The following CNTNAP4 variants were observed in gnomAD, a reference collection of about 807,000 sequenced individuals.
CNTNAP4 encodes contactin associated protein family member 4.
Under a neutral mutation model 148.4 loss-of-function variants are expected in CNTNAP4, and 98 were observed. That is an observed-to-expected ratio of 0.66 (90% CI 0.56 to 0.78). The LOEUF (loss-of-function observed/expected upper bound fraction) is 0.78. CNTNAP4 is among the 30% of genes least tolerant of loss of function. The pLI is 0.00. For missense variants in CNTNAP4, 1,935 were observed against 1,565.6 expected (o/e 1.24, Z -3.98); for synonymous variants, 730 against 565.1 (o/e 1.29, Z -4.14).
chr16:76,308,405 G>A (rs1960728081), intron 1 of CNTNAP4, among the ~76,000 whole-genome samples: 1 of 152,110 alleles, frequency 6.6e-6, no homozygotes, highest in Admixed American at 6.5e-5. Context: ...TCAATCCTAG[G>A]TGTATTGTCA....
At chr16:76,308,905 G>A (rs1960787190) in intron 1 of CNTNAP4, among the ~76,000 whole-genome samples, 1 of 151,958 alleles carries the variant, frequency 6.6e-6, no homozygotes, top group Non-Finnish European at 1.5e-5. Context: ...GCTCAGGGCA[G>A]CCTCGAACTC....
chr16:76,358,120 G>C (rs747741605), intron 3 of CNTNAP4, among the ~76,000 whole-genome samples: 5 of 152,146 alleles, frequency 3.3e-5, no homozygotes, highest in Non-Finnish European at 7.4e-5. Context: ...GATCACTTGA[G>C]GCCAGGAGTT....
chr16:76,455,746 C>T (rs2080703842), intron 8 of CNTNAP4, among the ~76,000 whole-genome samples: 1 of 152,164 alleles, frequency 6.6e-6, no homozygotes, highest in Non-Finnish European at 1.5e-5. Flanking sequence ...GAGGAATGGC[C>T]TAGGTATAAT....
intron 3 of CNTNAP4, among the ~76,000 whole-genome samples, chr16:76,414,648 G>A (rs1323525289): frequency 1.3e-5 from 2 of 151,226 alleles, no homozygotes; most frequent in Admixed American, 1.3e-4. Context: ...GAAAGACATC[G>A]AGGCCTGCAA....
chr16:76,296,679 A>G (rs963752529), intron 1 of CNTNAP4, among the ~76,000 whole-genome samples: 71 of 152,256 alleles, frequency 4.7e-4, no homozygotes, highest in African/African-American at 1.6e-3. Context: ...GAGAAATGGT[A>G]TAGCTAATCA....
intron 23 of CNTNAP4, among the ~76,000 whole-genome samples, chr16:76,555,463 A>G (rs968117488): frequency 6.6e-6 from 1 of 152,226 alleles, no homozygotes; most frequent in African/African-American, 2.4e-5. Flanking sequence ...AGTATTTACA[A>G]TGTGTCCAAG....
At position 76,442,380 on chromosome 16, in the gene CNTNAP4, T is replaced by C. The variant is rs1390905544; in HGVS notation, c.539-5632T>C. ...TTTGTGATATATTAAGAGACTATGT[T>C]TGTGGTTATTTGTTTTACAACAATA... is the stretch of plus-strand genomic sequence containing the variant. On this transcript the variant is annotated intron_variant, in intron 4 of 23. Coordinates refer to ENST00000611870, the MANE Select transcript of CNTNAP4 (RefSeq NM_033401.5). 2.0e-5 allele frequency among the ~76,000 whole-genome samples: 3 copies of C among 152,274 alleles called. No individual in the cohort carries two copies. In the East Asian group the frequency reaches 5.8e-4, roughly 29 times the overall value.
chr16:76,377,495 A>G (rs919779747), intron 3 of CNTNAP4, among the ~76,000 whole-genome samples: 1 of 152,166 alleles, frequency 6.6e-6, no homozygotes, highest in Non-Finnish European at 1.5e-5. Flanking sequence ...AGATGGTGCA[A>G]TGCTAGGAAA....
In CNTNAP4 at chr16:76,558,905, T is replaced by C. The variant is rs988179458; in HGVS notation, c.*222T>C. On this transcript the variant is annotated 3_prime_UTR_variant, in exon 24 of 24. Coordinates refer to ENST00000611870, the MANE Select transcript of CNTNAP4 (RefSeq NM_033401.5). ...ACAAGAAATTAGATATTGCTGTTAA[T>C]TTTCAACTGTTCTGGTATGATCTAA... The C allele has an allele frequency of 7.6e-6, 3 of 396,436 alleles. No homozygotes were observed. Among genetic ancestry groups the C allele is most frequent in the African/African-American group, 6.1e-5 (3 of 48,792 alleles). The allele number at this position is 396,436 out of a possible 1,614,324, so 24.6% of individuals were successfully genotyped here.
Position 76,535,557 on chromosome 16 carries a change from C to T in CNTNAP4, c.2768C>T (p.Thr923Ile). 6.2e-7 allele frequency: 1 copy of T among 1,612,076 alleles called. No homozygotes were observed. Among genetic ancestry groups the T allele is most frequent in the South Asian group, 1.1e-5 (1 of 90,990 alleles). The change falls in exon 18 of 24, where the codon ACC (threonine) becomes ATC (isoleucine). Residue 923 changes from threonine (T) to isoleucine (I), a missense_variant. Transcript: ENST00000611870. Reference sequence around the variant, plus strand: ...ATTTCCCTTTTAGGTGGAACGGCCACCAGACAGAGAGGCTTTCTGGGCTGC... The same window carrying T: ...ATTTCCCTTTTAGGTGGAACGGCCATCAGACAGAGAGGCTTTCTGGGCTGC... ...NSQLFVGGTA[T>I]RQRGFLGCIR...
chr16:76,501,923 G>C (rs2082663127), intron 15 of CNTNAP4, among the ~76,000 whole-genome samples: 2 of 152,030 alleles, frequency 1.3e-5, no homozygotes, highest in Non-Finnish European at 2.9e-5. Flanking sequence ...CAAAAAATTA[G>C]CCGGGCGTAG....
intron 3 of CNTNAP4, among the ~76,000 whole-genome samples, chr16:76,409,479 A>G (rs2078716091): frequency 6.6e-6 from 1 of 152,008 alleles, no homozygotes; most frequent in Non-Finnish European, 1.5e-5. Flanking sequence ...AACTGCGTTG[A>G]AATAGAAACA....
intron 1 of CNTNAP4, among the ~76,000 whole-genome samples, chr16:76,282,491 G>A (rs1229593454): frequency 6.6e-6 from 1 of 151,758 alleles, no homozygotes; most frequent in Non-Finnish European, 1.5e-5. Context: ...ATCTTAATCA[G>A]CAACTTACAT....
chr16:76,532,228 G>C (rs1363521886), intron 17 of CNTNAP4, among the ~76,000 whole-genome samples: 1 of 152,202 alleles, frequency 6.6e-6, no homozygotes, highest in Non-Finnish European at 1.5e-5. Context: ...AAACGGATAA[G>C]TCTTCTTTTA....
intron 13 of CNTNAP4, among the ~76,000 whole-genome samples, chr16:76,492,058 A>G (rs927304843): frequency 3.3e-5 from 5 of 152,198 alleles, no homozygotes; most frequent in African/African-American, 9.7e-5. Context: ...TATGGAATCT[A>G]AAAAAGTTTA....
At chr16:76,346,902 A>G (rs1964948471) in intron 2 of CNTNAP4, among the ~76,000 whole-genome samples, 1 of 152,190 alleles carries the variant, frequency 6.6e-6, no homozygotes, top group Non-Finnish European at 1.5e-5. Flanking sequence ...TGGCAATACA[A>G]GAAGTAAGAC....
At chr16:76,544,997 G>A (rs978577668) in intron 21 of CNTNAP4, among the ~76,000 whole-genome samples, 5 of 152,166 alleles carry the variant, frequency 3.3e-5, no homozygotes, top group African/African-American at 1.2e-4. Context: ...GTGCTCAGAG[G>A]TGAGACAAAA....
At chr16:76,335,592 G>C (rs1430021079) in intron 2 of CNTNAP4, among the ~76,000 whole-genome samples, 2 of 152,188 alleles carry the variant, frequency 1.3e-5, no homozygotes, top group Admixed American at 6.5e-5. Flanking sequence ...ACTAAGTCCA[G>C]AGTGAGAGGC....
At chr16:76,365,594 T>A (rs1276552845) in intron 3 of CNTNAP4, among the ~76,000 whole-genome samples, 1 of 151,558 alleles carries the variant, frequency 6.6e-6, no homozygotes, top group Non-Finnish European at 1.5e-5. Flanking sequence ...CTACTAAAAA[T>A]ACAAAAAATT....
Sources: gnomAD v4.1 joint callset for allele counts (sites outside exome capture counted in the v4.1 genomes callset) on GRCh38, gnomAD v4.1.1 for gene constraint, MANE v1.5 for transcripts, NCBI Gene and HGNC (gene_info 2026-07-23, HGNC 2026-07-21) for gene names.